DACH1: variants seen among roughly 807,000 people sequenced by gnomAD.
DACH1 encodes the protein dachshund homolog 1.
DACH1 carries 12 observed loss-of-function variants against 54.2 expected under a neutral mutation model. The ratio of observed to expected loss-of-function variants is 0.22; its 90% CI spans 0.14 to 0.36. The LOEUF is 0.36. DACH1 is among the 10% of genes least tolerant of loss of function. The pLI, the probability that DACH1 is intolerant of heterozygous loss-of-function variation, is 1.00. For missense variants in DACH1, 805 were observed against 929.8 expected, an observed-to-expected ratio of 0.87 and a Z score of 1.75; for synonymous variants, 386 against 366.2, an observed-to-expected ratio of 1.05 and a Z score of -0.62.
chr13:71,742,778 C>T (rs1884451905), intron 1 of DACH1, among the ~76,000 whole-genome samples: 1 of 151,954 alleles, frequency 6.6e-6, no homozygotes, highest in African/African-American at 2.4e-5. Context: ...TCAAGGATTT[C>T]CCAAAAGTCA....
chr13:71,824,032 A>G, intron 1 of DACH1, among the ~76,000 whole-genome samples: 1 of 151,938 alleles, frequency 6.6e-6, no homozygotes, highest in Non-Finnish European at 1.5e-5. Context: ...CAATTCTTCA[A>G]ACCTCTTGCC....
intron 2 of DACH1, among the ~76,000 whole-genome samples, chr13:71,641,685 G>C (rs1014009281): frequency 3.9e-5 from 6 of 152,076 alleles, no homozygotes; most frequent in African/African-American, 1.4e-4. Context: ...TCAAATGGTT[G>C]GCATCTCCTA....
At chr13:71,559,688 G>A (rs1029019560) in intron 5 of DACH1, 132 bp downstream of exon 5, 91 of 1,127,564 alleles carry the variant, frequency 8.1e-5, no homozygotes, top group Non-Finnish European at 1.1e-4. Flanking sequence ...AATTTTGAGA[G>A]ATGGCTATTG....
chr13:71,487,681 C>T (rs1214324075), intron 7 of DACH1, among the ~76,000 whole-genome samples: 2 of 152,160 alleles, frequency 1.3e-5, no homozygotes, highest in South Asian at 2.1e-4. Flanking sequence ...GGTTAAAGAG[C>T]TTTCAGTTAA....
chr13:71,703,113 T>TA (rs1189186948), intron 1 of DACH1, among the ~76,000 whole-genome samples: 2 of 152,242 alleles, frequency 1.3e-5, no homozygotes, highest in Non-Finnish European at 2.9e-5. Flanking sequence ...TATAGTATCT[T>TA]AGCAGAGTCA....
intron 2 of DACH1, among the ~76,000 whole-genome samples, chr13:71,654,650 G>A (rs1295597323): frequency 1.3e-5 from 2 of 151,964 alleles, no homozygotes; most frequent in Non-Finnish European, 2.9e-5. Context: ...TGTAATATGC[G>A]AGTACATGGA....
At chr13:71,678,345 G>A (rs1880691825) in intron 2 of DACH1, among the ~76,000 whole-genome samples, 1 of 152,084 alleles carries the variant, frequency 6.6e-6, no homozygotes, top group South Asian at 2.1e-4. Context: ...AGTATATGAA[G>A]GCATTACTCT....
chr13:71,706,006 T>G (rs1347911263), intron 1 of DACH1, among the ~76,000 whole-genome samples: 1 of 151,990 alleles, frequency 6.6e-6, no homozygotes, highest in African/African-American at 2.4e-5. Context: ...TATCAGATAT[T>G]TTTTCTTATC....
At chr13:71,530,246 CT>C in intron 6 of DACH1, among the ~76,000 whole-genome samples, 1 of 152,244 alleles carries the variant, frequency 6.6e-6, no homozygotes, top group Non-Finnish European at 1.5e-5. Context: ...ACAAATAAGG[CT>C]CTCTTATTGC....
intron 6 of DACH1, 80 bp from the exon 7 acceptor site, chr13:71,489,228 G>A: frequency 2.1e-6 from 3 of 1,453,164 alleles, no homozygotes; most frequent in Non-Finnish European, 2.8e-6. Flanking sequence ...CTTCCCTAGT[G>A]GTTTCCAGAA....
rs993072940 is a variant in DACH1, at chr13:71,553,872, C to T, written c.1570+3152G>A. 2.6e-5 allele frequency among the ~76,000 whole-genome samples: 4 copies of T among 151,594 alleles called. No homozygotes were observed. The East Asian group carries it at 7.7e-4, about 29-fold the overall frequency. The stretch of plus-strand genomic sequence containing the variant: ...ACATAAAATGTTTAAGTTACTGATG[C>T]TTAAGATTTCAGACCACAGTGATTC... On this transcript the variant is annotated intron_variant, in intron 6 of 10. Coordinates refer to ENST00000613252, the MANE Select transcript of DACH1 (RefSeq NM_080759.6).
intron 1 of DACH1, among the ~76,000 whole-genome samples, chr13:71,726,721 T>C (rs1011538195): frequency 2.0e-5 from 3 of 152,112 alleles, no homozygotes; most frequent in African/African-American, 7.2e-5. Context: ...AGAGAGGCAA[T>C]TTTGAAAAAG....
At chr13:71,511,223 A>T (rs1212943458) in intron 6 of DACH1, among the ~76,000 whole-genome samples, 1 of 152,056 alleles carries the variant, frequency 6.6e-6, no homozygotes, top group African/African-American at 2.4e-5. Flanking sequence ...GGTGGCAGCC[A>T]GTTTAGAAAA....
chr13:71,625,777 T>C (rs1232026551), intron 3 of DACH1, among the ~76,000 whole-genome samples: 1 of 152,014 alleles, frequency 6.6e-6, no homozygotes, highest in African/African-American at 2.4e-5. Context: ...TTCCACAATG[T>C]TCAGAAAGAG....
chr13:71,644,529 T>C (rs1462584555), intron 2 of DACH1, among the ~76,000 whole-genome samples: 1 of 152,172 alleles, frequency 6.6e-6, no homozygotes, highest in East Asian at 1.9e-4. Context: ...TCATATAAAC[T>C]GTGAGACAAG....
intron 10 of DACH1, among the ~76,000 whole-genome samples, chr13:71,468,487 T>C (rs1876792634): frequency 6.6e-6 from 1 of 152,206 alleles, no homozygotes; most frequent in South Asian, 2.1e-4. Flanking sequence ...CACACCGATC[T>C]TAAAAGTCAT....
chr13:71,635,182 CATT>C (rs1877387132), intron 2 of DACH1, among the ~76,000 whole-genome samples: 1 of 152,140 alleles, frequency 6.6e-6, no homozygotes, highest in African/African-American at 2.4e-5. Context: ...TAATTTAAAA[CATT>C]ATTGTTATGT....
chr13:71,782,568 T>C (rs938677763), intron 1 of DACH1, among the ~76,000 whole-genome samples: 3 of 152,204 alleles, frequency 2.0e-5, no homozygotes, highest in Non-Finnish European at 4.4e-5. Flanking sequence ...GTAAAGTTTG[T>C]ATCAAATATT....
At position 71,556,944 on chromosome 13, in the gene DACH1, T is replaced by A. The variant is rs1471933866; in HGVS notation, c.1570+80A>T. On this transcript the variant is annotated intron_variant, in intron 6 of 10. Coordinates refer to ENST00000613252, the MANE Select transcript of DACH1 (RefSeq NM_080759.6). ...GCTTTTTTTTTACATGATGTAGAGA[T>A]AGACTTCATTGTGTGATTAAAATCT... 31 of 1,377,760 alleles carry A rather than the reference T, an allele frequency of 2.3e-5. No homozygotes were observed. In the Admixed American group the frequency reaches 7.0e-4, roughly 31 times the overall value. The allele number at this position is 1,377,760 out of a possible 1,614,324, so 85.3% of individuals were successfully genotyped here.
Sources: allele counts gnomAD v4.1 joint callset (sites outside exome capture counted in the v4.1 genomes callset), GRCh38; gene constraint gnomAD v4.1.1; transcripts MANE v1.5; gene names NCBI Gene and HGNC (gene_info 2026-07-23, HGNC 2026-07-21).